PFKP: variants seen among roughly 807,000 people sequenced by gnomAD.
PFKP encodes the protein phosphofructokinase, platelet, also known as ATP-dependent 6-phosphofructokinase, platelet type.
PFKP carries 101 observed loss-of-function variants against 94.3 expected under a neutral mutation model. The ratio of observed to expected loss-of-function variants is 1.07; its 90% confidence interval spans 0.91 to 1.26. The LOEUF (loss-of-function observed/expected upper bound fraction) is 1.26. Ranked by LOEUF, PFKP falls within the 50% of genes most tolerant of loss-of-function variation. The pLI, the probability that PFKP is intolerant of heterozygous loss-of-function variation, is 0.00. For missense variants in PFKP, 1,145 were observed against 1,103.3 expected, an observed-to-expected ratio of 1.04 and a Z score of -0.53; for synonymous variants, 573 against 432.6, an observed-to-expected ratio of 1.32 and a Z score of -4.03.
chr10:3,086,792 T>C (rs574880960), intron 2 of PFKP, among the ~76,000 whole-genome samples: 4 of 152,288 alleles, frequency 2.6e-5, no homozygotes, highest in Admixed American at 1.3e-4. Context: ...TGTGTTTTTG[T>C]GGCGATTGTC....
chr10:3,132,537 C>A (rs1000425293), intron 18 of PFKP, 96 bp downstream of exon 18: 3 of 865,790 alleles, frequency 3.5e-6, no homozygotes, highest in African/African-American at 3.3e-5. Context: ...GTGGTCATTT[C>A]TTTGCCGCTA....
chr10:3,078,522 C>A (rs1832779682), intron 1 of PFKP, among the ~76,000 whole-genome samples: 1 of 152,224 alleles, frequency 6.6e-6, no homozygotes, highest in South Asian at 2.1e-4. Context: ...ATTAAATGAG[C>A]ATCTGGCCTC....
chr10:3,082,253 G>C, intron 1 of PFKP, 135 bp from the exon 2 acceptor site: 1 of 559,000 alleles, frequency 1.8e-6, no homozygotes, highest in Non-Finnish European at 3.2e-6. Context: ...CCAGAGGAGT[G>C]TGTGTACCCA....
chr10:3,131,038 T>C (rs772829475), intron 17 of PFKP, among the ~76,000 whole-genome samples: 1 of 151,036 alleles, frequency 6.6e-6, no homozygotes, highest in East Asian at 2.0e-4. Flanking sequence ...AAGATTATAA[T>C]GGAGCTGCCC....
intron 2 of PFKP, among the ~76,000 whole-genome samples, chr10:3,084,686 T>TCCAGCACAGTCCTCCAGCCCCTCC (rs1196876355): frequency 0.038 from 4,753 of 124,416 alleles, 260 homozygotes; most frequent in Non-Finnish European, 0.056. Context: ...AGACGCGGTC[T>TCCAGCACAGTCCTCCAGCCCCTCC]CCAGCACAGT....
intron 21 of PFKP, 68 bp downstream of exon 21, chr10:3,135,906 G>A (rs1839225519): frequency 1.1e-6 from 1 of 923,648 alleles, no homozygotes; most frequent in African/African-American, 1.7e-5. Flanking sequence ...AATGGCCATT[G>A]CTGTTGCTGT....
intron 4 of PFKP, 95 bp from the exon 5 acceptor site, chr10:3,103,684 C>T: frequency 1.7e-6 from 2 of 1,207,258 alleles, no homozygotes; most frequent in Middle Eastern, 2.0e-4. Flanking sequence ...TGGTTGATTT[C>T]TCTACCCATG....
intron 1 of PFKP, among the ~76,000 whole-genome samples, chr10:3,068,347 G>T (rs889130109): frequency 6.6e-6 from 1 of 152,182 alleles, no homozygotes; most frequent in Non-Finnish European, 1.5e-5. Flanking sequence ...TCTCCAGGGC[G>T]GTCCGGCAGC....
intron 13 of PFKP, among the ~76,000 whole-genome samples, chr10:3,113,985 C>G (rs1378998784): frequency 2.6e-5 from 4 of 151,888 alleles, no homozygotes; most frequent in Admixed American, 2.0e-4. Flanking sequence ...CCCATTTAAG[C>G]CTCACACTAA....
At chr10:3,095,129 A>C (rs1834368151) in intron 2 of PFKP, among the ~76,000 whole-genome samples, 1 of 152,196 alleles carries the variant, frequency 6.6e-6, no homozygotes. Context: ...CCCATGCAAC[A>C]AGCATTCTGA....
At position 3,136,721 on chromosome 10, in the gene PFKP, T is replaced by C. The variant is rs1839422231; in HGVS notation, c.*142T>C. On this transcript the variant is annotated 3_prime_UTR_variant, in exon 22 of 22. Coordinates refer to ENST00000381125, the MANE Select transcript of PFKP (RefSeq NM_002627.5). ...TGCCCATCTGCCCCACCTGCTCCAG[T>C]GCGTGCTGTCTGTGGAGTGTGTCTC... The C allele has an allele frequency of 1.3e-6, 1 of 761,560 alleles. No homozygotes were observed. The highest frequency in any genetic ancestry group is 2.1e-6 in the Non-Finnish European group (1 of 469,118). The allele number at this position is 761,560 out of a possible 1,614,324, so 47.2% of individuals were successfully genotyped here.
chr10:3,080,352 C>T (rs535997459), intron 1 of PFKP, among the ~76,000 whole-genome samples: 1 of 152,078 alleles, frequency 6.6e-6, no homozygotes, highest in African/African-American at 2.4e-5. Context: ...CCCGTCTCTA[C>T]TAAAAATACA....
At chr10:3,096,366 C>T (rs12357621) in intron 2 of PFKP, among the ~76,000 whole-genome samples, 41,962 of 152,038 alleles carry the variant, frequency 0.28, 6,827 homozygotes, top group Non-Finnish European at 0.37. Flanking sequence ...ACCTTCCCCC[C>T]GGTCTCTTTA....
intron 1 of PFKP, among the ~76,000 whole-genome samples, chr10:3,070,745 C>T (rs996953057): frequency 6.6e-6 from 1 of 152,042 alleles, no homozygotes; most frequent in African/African-American, 2.4e-5. Flanking sequence ...CCGTAGACCA[C>T]GAAGAGTACT....
intron 1 of PFKP, among the ~76,000 whole-genome samples, chr10:3,074,002 T>C (rs1037781268): frequency 6.6e-6 from 1 of 152,172 alleles, no homozygotes; most frequent in Admixed American, 6.5e-5. Flanking sequence ...CATGCTCACC[T>C]GATCTTTTTT....
intron 2 of PFKP, 87 bp downstream of exon 2, chr10:3,082,548 C>T: frequency 1.1e-6 from 1 of 921,766 alleles, no homozygotes; most frequent in East Asian, 2.7e-5. Flanking sequence ...CCCTGCCTCC[C>T]CCATGCTGAG....
chr10:3,130,051 C>T (rs753392522), intron 17 of PFKP, 68 bp downstream of exon 17: 127 of 1,421,506 alleles, frequency 8.9e-5, no homozygotes, highest in Middle Eastern at 1.8e-4. Flanking sequence ...AGTGAATCAT[C>T]GTGTCTAGGG....
chr10:3,127,742 TTG>T, intron 16 of PFKP, among the ~76,000 whole-genome samples: 1 of 152,216 alleles, frequency 6.6e-6, no homozygotes, highest in Non-Finnish European at 1.5e-5. Flanking sequence ...ATTCTTCCCA[TTG>T]CCTGTTTCTC....
chr10:3,105,543 C>T (rs1835457490), intron 7 of PFKP, 42 bp downstream of exon 7: 2 of 1,368,730 alleles, frequency 1.5e-6, no homozygotes, highest in South Asian at 1.2e-5. Context: ...GCGATGCTGG[C>T]TGCATTGCTT....
Sources: gnomAD v4.1 joint callset for allele counts (sites outside exome capture counted in the v4.1 genomes callset) on GRCh38, gnomAD v4.1.1 for gene constraint, MANE v1.5 for transcripts, NCBI Gene and HGNC (gene_info 2026-07-23, HGNC 2026-07-21) for gene names.